PKIB: variants seen among roughly 807,000 people sequenced by gnomAD.
PKIB encodes PKI-beta.
In PKIB, 2 loss-of-function variants were observed where a neutral mutation model predicts 4.5. The observed-to-expected ratio is 0.44, with a 90% CI of 0.18 to 1.39. The LOEUF (loss-of-function observed/expected upper bound fraction) is 1.39, where lower values mean the gene tolerates loss of function less well. PKIB is among the 40% of genes most tolerant of loss of function. PKIB has a pLI of 0.27. For missense variants in PKIB, 94 were observed against 92.6 expected (o/e 1.02, Z -0.06); for synonymous variants, 38 against 36.0 (o/e 1.06, Z -0.20).
At position 122,594,521 on chromosome 6, in the gene PKIB, A is replaced by G. The variant is rs145211199; in HGVS notation, c.-161+8514A>G. Among the ~76,000 whole-genome samples, 17 of 152,332 alleles carry G rather than the reference A, an allele frequency of 1.1e-4. 1 individual carries two copies. The highest frequency in any genetic ancestry group is 1.5e-4 in the Non-Finnish European group (10 of 68,030). On this transcript the variant is annotated intron_variant, in intron 3 of 6. Transcript: ENST00000392491. ...TGCATGGCCAAGACATTTTCTTAGT[A>G]CAAGTGTATACATGCACAAACATGT...
chr6:122,722,529 A>G (rs1490131558), intron 4 of PKIB, among the ~76,000 whole-genome samples: 1 of 152,212 alleles, frequency 6.6e-6, no homozygotes, highest in South Asian at 2.1e-4. Flanking sequence ...TCTGAAAGCT[A>G]TAAAGCTTTG....
intron 1 of PKIB, among the ~76,000 whole-genome samples, chr6:122,475,729 T>A (rs1775437993): frequency 6.6e-6 from 1 of 152,096 alleles, no homozygotes; most frequent in African/African-American, 2.4e-5. Context: ...GAGGTTGCAG[T>A]GAGCTGAGAT....
intron 3 of PKIB, among the ~76,000 whole-genome samples, chr6:122,714,080 G>A (rs1418630918): frequency 6.6e-6 from 1 of 152,156 alleles, no homozygotes; most frequent in African/African-American, 2.4e-5. Context: ...TTGCTTTGGA[G>A]TTTAAAGAGC....
rs1406277566 is a variant in PKIB, at chr6:122,713,128, A to C, written c.-8-4659A>C. Among the ~76,000 whole-genome samples, 6 of 152,026 alleles carry C rather than the reference A, an allele frequency of 3.9e-5. No individual in the cohort carries two copies. The East Asian group carries it at 1.2e-3, about 29-fold the overall frequency. On this transcript the variant is annotated intron_variant, in intron 3 of 4. Transcript: ENST00000368452. ...TATGACTGTGTAATAGTCTTTTCTC[A>C]AGCAGCCTGAAAATTGTATATTTTC...
intron 3 of PKIB, among the ~76,000 whole-genome samples, chr6:122,594,619 G>A (rs546524716): frequency 1.3e-5 from 2 of 152,246 alleles, no homozygotes; most frequent in East Asian, 3.9e-4. Flanking sequence ...GGTCATAACT[G>A]GTATTGATGA....
intron 2 of PKIB, among the ~76,000 whole-genome samples, chr6:122,537,289 G>T (rs1464072352): frequency 6.6e-6 from 1 of 151,944 alleles, no homozygotes; most frequent in Non-Finnish European, 1.5e-5. Flanking sequence ...TTAGCATTAG[G>T]TATATCTCCT....
chr6:122,594,892 T>C (rs1018681442), intron 3 of PKIB, among the ~76,000 whole-genome samples: 2 of 152,184 alleles, frequency 1.3e-5, no homozygotes, highest in South Asian at 2.1e-4. Context: ...ACTGATTTCA[T>C]CTATAGTCTG....
At chr6:122,650,723 G>A (rs182694037) in intron 2 of PKIB, among the ~76,000 whole-genome samples, 12 of 152,194 alleles carry the variant, frequency 7.9e-5, no homozygotes, top group Admixed American at 4.6e-4. Context: ...AGGGTGCTGG[G>A]GCCCCCCTCA....
intron 2 of PKIB, among the ~76,000 whole-genome samples, chr6:122,652,990 G>A (rs1488431459): frequency 6.6e-6 from 1 of 152,040 alleles, no homozygotes; most frequent in Non-Finnish European, 1.5e-5. Context: ...TAACAGAGTG[G>A]GGTCATCCTG....
intron 3 of PKIB, among the ~76,000 whole-genome samples, chr6:122,595,135 G>A (rs968107782): frequency 4.6e-5 from 7 of 152,146 alleles, no homozygotes; most frequent in African/African-American, 1.7e-4. Context: ...GGGTGATGGC[G>A]AGTGGTGCCA....
At chr6:122,527,641 G>T (rs190451157) in intron 2 of PKIB, among the ~76,000 whole-genome samples, 34 of 152,046 alleles carry the variant, frequency 2.2e-4, no homozygotes, top group African/African-American at 8.0e-4. Flanking sequence ...ATGGTTTGTG[G>T]GGCCTCAAAT....
intron 2 of PKIB, among the ~76,000 whole-genome samples, chr6:122,657,574 G>A (rs1371271132): frequency 6.6e-6 from 1 of 152,222 alleles, no homozygotes; most frequent in Non-Finnish European, 1.5e-5. Flanking sequence ...ATGAGTGAAT[G>A]ATTGCAGAAG....
intron 2 of PKIB, among the ~76,000 whole-genome samples, chr6:122,538,146 G>A (rs1290818794): frequency 6.6e-6 from 1 of 151,948 alleles, no homozygotes; most frequent in Non-Finnish European, 1.5e-5. Flanking sequence ...CACTCTGATG[G>A]TAGTTTCTTT....
intron 3 of PKIB, among the ~76,000 whole-genome samples, chr6:122,709,524 G>C: frequency 6.6e-6 from 1 of 151,602 alleles, no homozygotes; most frequent in African/African-American, 2.4e-5. Flanking sequence ...TATAAAATAC[G>C]TTATATTTTA....
At chr6:122,604,989 C>A (rs1440136364) in intron 3 of PKIB, among the ~76,000 whole-genome samples, 1 of 152,100 alleles carries the variant, frequency 6.6e-6, no homozygotes, top group African/African-American at 2.4e-5. Flanking sequence ...CAGTTGTGTC[C>A]CCAACTGTTT....
At chr6:122,514,150 C>A (rs17084599) in intron 2 of PKIB, among the ~76,000 whole-genome samples, 2 of 152,126 alleles carry the variant, frequency 1.3e-5, no homozygotes, top group African/African-American at 4.8e-5. Flanking sequence ...GGGATGAATT[C>A]TCTTATTCAG....
At chr6:122,672,238 A>G (rs1777494172) in intron 2 of PKIB, among the ~76,000 whole-genome samples, 1 of 152,172 alleles carries the variant, frequency 6.6e-6, no homozygotes, top group African/African-American at 2.4e-5. Flanking sequence ...TGAGTAGAGC[A>G]TCAGACCTTG....
At chr6:122,596,985 C>G (rs1483381259) in intron 3 of PKIB, among the ~76,000 whole-genome samples, 1 of 152,200 alleles carries the variant, frequency 6.6e-6, no homozygotes, top group African/African-American at 2.4e-5. Context: ...TGTTGTACAT[C>G]TTTCTTGGTT....
At chr6:122,516,966 C>G (rs762508900) in intron 2 of PKIB, among the ~76,000 whole-genome samples, 1 of 152,152 alleles carries the variant, frequency 6.6e-6, no homozygotes, top group South Asian at 2.1e-4. Context: ...TCCTCCCACC[C>G]ATAGTGTGGG....
Sources: gnomAD v4.1 joint callset for allele counts (sites outside exome capture counted in the v4.1 genomes callset) on GRCh38, gnomAD v4.1.1 for gene constraint, MANE v1.5 for transcripts, NCBI Gene and HGNC (gene_info 2026-07-23, HGNC 2026-07-21) for gene names.